The following IL1RAP variants were observed in gnomAD, a reference collection of about 807,000 sequenced individuals.
IL1RAP encodes interleukin 1 receptor accessory protein.
A neutral mutation model predicts 60.7 loss-of-function variants in IL1RAP; 35 were observed. That is an observed-to-expected ratio of 0.58 (90% CI 0.44 to 0.76). IL1RAP has a LOEUF of 0.76. IL1RAP is among the 30% of genes least tolerant of loss of function. The pLI is 0.00. For missense variants in IL1RAP, 572 were observed against 693.9 expected, an observed-to-expected ratio of 0.82 and a Z score of 1.97; for synonymous variants, 268 against 250.9, an observed-to-expected ratio of 1.07 and a Z score of -0.64.
chr3:190,658,899 C>A (rs1417088514), exon 12 of IL1RAP: 1 of 152,216 alleles, frequency 6.6e-6, no homozygotes, highest in Non-Finnish European at 1.5e-5. Context: ...GCCACCCTAA[C>A]TAAATATCCA....
chr3:190,632,331 G>A (rs776264748), intron 9 of IL1RAP, among the ~76,000 whole-genome samples: 1 of 152,098 alleles, frequency 6.6e-6, no homozygotes, highest in Admixed American at 6.6e-5. Flanking sequence ...CTTTAAATTT[G>A]CATTTATTGG....
intron 3 of IL1RAP, among the ~76,000 whole-genome samples, chr3:190,584,521 C>T (rs9863249): frequency 0.072 from 10,891 of 152,258 alleles, 454 homozygotes; most frequent in African/African-American, 0.082. Context: ...ATTTCATGAA[C>T]ACTTGCTATT....
At chr3:190,563,522 T>C (rs1445005234) in intron 2 of IL1RAP, 1 of 152,218 alleles carries the variant, frequency 6.6e-6, no homozygotes, top group Non-Finnish European at 1.5e-5. Flanking sequence ...TTAAATATCA[T>C]GCAACCAAAT....
chr3:190,534,288 T>G (rs1723242851), intron 1 of IL1RAP, among the ~76,000 whole-genome samples: 1 of 151,016 alleles, frequency 6.6e-6, no homozygotes, highest in South Asian at 2.1e-4. Flanking sequence ...TTTTTTTTAA[T>G]GTAATGTTAC....
At position 190,571,888 on chromosome 3, in the gene IL1RAP, T is replaced by G. The variant is rs566430438; in HGVS notation, c.64+7535T>G. Among the ~76,000 whole-genome samples, 10 of 148,210 alleles carry G rather than the reference T, an allele frequency of 6.7e-5. No individual in the cohort carries two copies. In the South Asian group the frequency reaches 8.5e-4, roughly 13 times the overall value. Reference sequence around the variant, plus strand: ...AGTTATTGTTAGTGTTAGCTTATTTTATGTGTGGCCCAAGACAATTCTTCT... The same window carrying G: ...AGTTATTGTTAGTGTTAGCTTATTTGATGTGTGGCCCAAGACAATTCTTCT... On this transcript the variant is annotated intron_variant, in intron 3 of 11. Transcript: ENST00000447382.
chr3:190,556,039 A>G (rs1467827358), intron 1 of IL1RAP, 91 bp from the exon 2 acceptor site: 1 of 152,044 alleles, frequency 6.6e-6, no homozygotes, highest in East Asian at 1.9e-4. Context: ...CGCTTTAACC[A>G]ACGAAAAAGT....
Position 190,609,160 on chromosome 3 carries a change from A to G in IL1RAP, c.516A>G (p.Lys172=). ...ATGGATATTTTCCTTCCAGTGTCAA[A>G]CCGACTATCACTTGGTATATGGTAA... ...NVDGYFPSSV[K]PTITWYMGCY... is the part of the protein sequence containing the mutation. The change falls in exon 5 of 12, where the codon AAA becomes AAG. Residue 172 remains lysine (K), a synonymous_variant. Transcript: ENST00000447382. The G allele has an allele frequency of 6.2e-7, 1 of 1,610,772 alleles. No homozygotes were observed. Among genetic ancestry groups the G allele is most frequent in the South Asian group, 1.1e-5 (1 of 90,688 alleles).
At chr3:190,515,845 A>G (rs1346170377) in intron 1 of IL1RAP, among the ~76,000 whole-genome samples, 1 of 151,760 alleles carries the variant, frequency 6.6e-6, no homozygotes, top group Non-Finnish European at 1.5e-5. Context: ...ATTCTCATAT[A>G]TTTCTTTTGG....
intron 1 of IL1RAP, among the ~76,000 whole-genome samples, chr3:190,546,185 C>T (rs1724355630): frequency 6.6e-6 from 1 of 152,140 alleles, no homozygotes; most frequent in Non-Finnish European, 1.5e-5. Context: ...AGATAACATT[C>T]ATCTGATTTG....
intron 1 of IL1RAP, among the ~76,000 whole-genome samples, chr3:190,523,018 A>G (rs946343684): frequency 6.6e-6 from 1 of 152,170 alleles, no homozygotes; most frequent in African/African-American, 2.4e-5. Flanking sequence ...GTAATTTGAT[A>G]CATATGAAGT....
intron 5 of IL1RAP, among the ~76,000 whole-genome samples, chr3:190,610,777 TA>T (rs1730754972): frequency 6.6e-6 from 1 of 152,222 alleles, no homozygotes; most frequent in Non-Finnish European, 1.5e-5. Context: ...CTGAACATTT[TA>T]AATTCTGTCT....
chr3:190,559,086 G>A (rs1355833464), intron 2 of IL1RAP, among the ~76,000 whole-genome samples: 1 of 152,110 alleles, frequency 6.6e-6, no homozygotes, highest in Non-Finnish European at 1.5e-5. Flanking sequence ...GGACTATTCA[G>A]GTCGTCTGTT....
intron 9 of IL1RAP, among the ~76,000 whole-genome samples, chr3:190,634,076 G>A (rs1021267271): frequency 1.4e-4 from 21 of 152,070 alleles, no homozygotes; most frequent in African/African-American, 5.1e-4. Flanking sequence ...GTTGAGTTTT[G>A]TTGAATACTT....
At position 190,572,926 on chromosome 3, in the gene IL1RAP, G is replaced by C. The variant is rs1403632343; in HGVS notation, c.64+8573G>C. Among the ~76,000 whole-genome samples, 15 of 43,822 alleles carry C rather than the reference G, an allele frequency of 3.4e-4. 1 individual carries two copies. Among genetic ancestry groups the C allele is most frequent in the East Asian group, 1.8e-3 (5 of 2,752 alleles). The allele number at this position is 43,822 out of a possible 152,430, so 28.7% of individuals were successfully genotyped here. A position where few individuals can be genotyped will look rare whatever the true frequency, so the allele number is the denominator to read the frequency against. ...TCGCCCAGGCTGGAGTGCAGTGGCGGGATCTCGGCTCACTGCAAGCTCCGC... is the reference window on the plus strand; with the variant it reads ...TCGCCCAGGCTGGAGTGCAGTGGCGCGATCTCGGCTCACTGCAAGCTCCGC... On this transcript the variant is annotated intron_variant, in intron 3 of 11. Transcript: ENST00000447382.
chr3:190,565,976 T>C (rs1166889780), intron 3 of IL1RAP, among the ~76,000 whole-genome samples: 1 of 151,910 alleles, frequency 6.6e-6, no homozygotes, highest in African/African-American at 2.4e-5. Context: ...TCCTCCTCCC[T>C]CTTCCTCTTC....
intron 3 of IL1RAP, among the ~76,000 whole-genome samples, chr3:190,584,489 A>G (rs1247140015): frequency 6.6e-6 from 1 of 152,252 alleles, no homozygotes; most frequent in Non-Finnish European, 1.5e-5. Flanking sequence ...GTCTTCAATG[A>G]ATGAGAGTCC....
rs578171320 is a variant in IL1RAP, at chr3:190,650,482, T to C, written c.*1777T>C. Reference sequence around the variant, plus strand: ...ACTGTTGAGTGATAAAGGAAACAAATATAACTGTAAATGAATCTTGGTATC... The same window carrying C: ...ACTGTTGAGTGATAAAGGAAACAAACATAACTGTAAATGAATCTTGGTATC... On this transcript the variant is annotated 3_prime_UTR_variant, in exon 12 of 12. Coordinates refer to ENST00000447382, the MANE Select transcript of IL1RAP (RefSeq NM_002182.4). The C allele has an allele frequency of 1.9e-5, 19 of 983,838 alleles. No individual in the cohort carries two copies. Among genetic ancestry groups the C allele is most frequent in the African/African-American group, 7.0e-5 (4 of 57,322 alleles). The allele number at this position is 983,838 out of a possible 1,614,324, so 60.9% of individuals were successfully genotyped here.
At chr3:190,520,748 G>A (rs930103381) in intron 1 of IL1RAP, among the ~76,000 whole-genome samples, 3 of 152,170 alleles carry the variant, frequency 2.0e-5, no homozygotes, top group African/African-American at 4.8e-5. Flanking sequence ...GCAGATGCTT[G>A]TGATTTCTAC....
At chr3:190,654,065 A>G (rs865997744), downstream of IL1RAP, among the ~76,000 whole-genome samples, 2 of 152,294 alleles carry the variant, frequency 1.3e-5, no homozygotes, top group Middle Eastern at 6.8e-3. Flanking sequence ...ATTAAAGAGC[A>G]ACAGACTCAA....
Sources: allele counts gnomAD v4.1 joint callset (sites outside exome capture counted in the v4.1 genomes callset), GRCh38; gene constraint gnomAD v4.1.1; transcripts MANE v1.5; gene names NCBI Gene and HGNC (gene_info 2026-07-23, HGNC 2026-07-21).